The following NCMAP variants were observed in gnomAD, a reference collection of about 807,000 sequenced individuals.
NCMAP encodes noncompact myelin-associated protein.
Under a neutral mutation model 7.8 loss-of-function variants are expected in NCMAP, and 8 were observed. The ratio of observed to expected loss-of-function variants is 1.02; its 90% confidence interval spans 0.60 to 1.84. The LOEUF is 1.84. Ranked by LOEUF, NCMAP falls within the 40% of genes most tolerant of loss-of-function variation. The pLI, the probability that NCMAP is intolerant of heterozygous loss-of-function variation, is 0.00. For missense variants in NCMAP, 112 were observed against 131.4 expected, an observed-to-expected ratio of 0.85 and a Z score of 0.72; for synonymous variants, 41 against 52.9, an observed-to-expected ratio of 0.78 and a Z score of 0.98.
rs71577720 is a variant in NCMAP at position 24,577,401 on chromosome 1, G to GTTTTTTTTTTTTTTTTTTTTTTTTTTT, written c.-7-18019_-7-17993dup. On this transcript the variant is annotated intron_variant, in intron 1 of 3. Transcript: ENST00000374392. Reference sequence around the variant, plus strand: ...GAGTTTCTAAGAAGGCACTGGCCTTGTTTTTTTTTTTTTTTTTTTTTTTTT... The same window carrying GTTTTTTTTTTTTTTTTTTTTTTTTTTT: ...GAGTTTCTAAGAAGGCACTGGCCTTGTTTTTTTTTTTTTTTTTTTTTTTTTTTTTTTTTTTTTTTTTTTTTTTTTTTT... 1.3e-3 allele frequency among the ~76,000 whole-genome samples: 51 copies of GTTTTTTTTTTTTTTTTTTTTTTTTTTT among 39,968 alleles called. 1 individual carries two copies. The highest frequency in any genetic ancestry group is 1.6e-3 in the Admixed American group (5 of 3,210). 26.2% of individuals were successfully genotyped at this position (39,968 alleles called of 152,430 possible). A position where few individuals can be genotyped will look rare whatever the true frequency, so the allele number is the denominator to read the frequency against.
chr1:24,588,760 T>C (rs1463737475), intron 1 of NCMAP, among the ~76,000 whole-genome samples: 1 of 152,176 alleles, frequency 6.6e-6, no homozygotes, highest in East Asian at 1.9e-4. Context: ...TGATCGAGGC[T>C]CTGCTGAACA....
At chr1:24,571,449 TG>T (rs1191703137) in intron 1 of NCMAP, among the ~76,000 whole-genome samples, 2 of 149,946 alleles carry the variant, frequency 1.3e-5, no homozygotes, top group Non-Finnish European at 2.9e-5. Context: ...GACTCCAGCC[TG>T]GGTGACAGAG....
chr1:24,565,816 T>C (rs1570513998), intron 1 of NCMAP, among the ~76,000 whole-genome samples: 1 of 152,212 alleles, frequency 6.6e-6, no homozygotes, highest in East Asian at 1.9e-4. Flanking sequence ...CCCAGTGATA[T>C]GGTTAGGCTT....
At chr1:24,584,859 G>A (rs927835422) in intron 1 of NCMAP, among the ~76,000 whole-genome samples, 12 of 151,178 alleles carry the variant, frequency 7.9e-5, no homozygotes, top group South Asian at 2.1e-4. Flanking sequence ...ACAGACCCAC[G>A]GCCCTCTTTG....
chr1:24,600,778 T>G (rs564132586), intron 2 of NCMAP, among the ~76,000 whole-genome samples, 162 bp from the exon 3 acceptor site: 1 of 152,312 alleles, frequency 6.6e-6, no homozygotes, highest in African/African-American at 2.4e-5. Context: ...GCACAGCCAC[T>G]CCAGATGTGA....
chr1:24,604,509 G>A, intron 3 of NCMAP, among the ~76,000 whole-genome samples: 1 of 138,272 alleles, frequency 7.2e-6, no homozygotes, highest in Admixed American at 7.6e-5. Flanking sequence ...CTGGGATGTT[G>A]AGGCTGTAGT....
intron 1 of NCMAP, among the ~76,000 whole-genome samples, chr1:24,577,401 G>GTTTTTTTTTTTTTTTTTTT (rs71577720): frequency 4.3e-4 from 17 of 39,962 alleles, no homozygotes; most frequent in Middle Eastern, 0.014. Flanking sequence ...CACTGGCCTT[G>GTTTTTTTTTTTTTTTTTTT]TTTTTTTTTT....
intron 1 of NCMAP, among the ~76,000 whole-genome samples, chr1:24,564,818 G>T (rs995857008): frequency 1.3e-5 from 2 of 151,972 alleles, no homozygotes; most frequent in Non-Finnish European, 2.9e-5. Flanking sequence ...ACAAGAACTG[G>T]GTTGGCATTA....
At chr1:24,587,352 AT>A (rs1375404271) in intron 1 of NCMAP, among the ~76,000 whole-genome samples, 3 of 152,146 alleles carry the variant, frequency 2.0e-5, no homozygotes, top group Non-Finnish European at 4.4e-5. Flanking sequence ...TTAAAAACAG[AT>A]TGGCTTCGCA....
chr1:24,586,216 C>T (rs1651875633), intron 1 of NCMAP, among the ~76,000 whole-genome samples: 1 of 152,194 alleles, frequency 6.6e-6, no homozygotes, highest in South Asian at 2.1e-4. Flanking sequence ...AAAGCCCTTG[C>T]TGGGTCATGA....
At chr1:24,560,092 C>T (rs1482111929) in intron 1 of NCMAP, among the ~76,000 whole-genome samples, 6 of 138,962 alleles carry the variant, frequency 4.3e-5, no homozygotes, top group African/African-American at 8.1e-5. Flanking sequence ...ACCCGGGAAG[C>T]GGAGCTTGGA....
chr1:24,573,971 A>AAAAAAAAAAAAAAAAAAAC lies in NCMAP; in HGVS notation c.-8+17802_-8+17803insAAAAAAAAAAAAAAAAAAC, dbSNP rs1337931415. ...AGAGGACAAAAAAAAAAAAAAAAAA[A>AAAAAAAAAAAAAAAAAAAC]CAGAAAAAAGGGGGAATATGTCAGT... is the stretch of plus-strand genomic sequence containing the variant. On this transcript the variant is annotated intron_variant, in intron 1 of 3. Transcript: ENST00000374392. Among the ~76,000 whole-genome samples, 16 of 137,550 alleles carry AAAAAAAAAAAAAAAAAAAC rather than the reference A, an allele frequency of 1.2e-4. 1 individual carries two copies. The highest frequency in any genetic ancestry group is 4.1e-4 in the African/African-American group (14 of 34,146). The allele number at this position is 137,550 out of a possible 152,430, so 90.2% of individuals were successfully genotyped here.
Position 24,605,123 on chromosome 1 carries a change from G to GA in NCMAP, c.168-472dup, listed in dbSNP as rs750627166. Reference sequence around the variant, plus strand: ...AGAGCCAGACTCTGTCTCAAAAAAAGAAAAAAAAAAAGAATTAATAATTAT... The same window carrying GA: ...AGAGCCAGACTCTGTCTCAAAAAAAGAAAAAAAAAAAAGAATTAATAATTAT... On this transcript the variant is annotated intron_variant, in intron 3 of 3. Transcript: ENST00000374392. Among the ~76,000 whole-genome samples the GA allele has an allele frequency of 4.5e-4, 60 of 134,046 alleles. 1 individual carries two copies. In the East Asian group the frequency reaches 5.7e-3, roughly 13 times the overall value. The allele number at this position is 134,046 out of a possible 152,430, so 87.9% of individuals were successfully genotyped here.
chr1:24,569,627 T>G lies in NCMAP; in HGVS notation c.-8+13458T>G, dbSNP rs943125184. 8.0e-5 allele frequency among the ~76,000 whole-genome samples: 12 copies of G among 150,830 alleles called. 2 individuals are homozygous for G. Among genetic ancestry groups the G allele is most frequent in the African/African-American group, 3.0e-4 (12 of 40,098 alleles). The stretch of plus-strand genomic sequence containing the variant: ...CTAGTTCTGCCGCTTTCACTGGCTG[T>G]GTGACCTCAGGATACTTAGTCTCTC... On this transcript the variant is annotated intron_variant, in intron 1 of 3. Coordinates refer to ENST00000374392, the MANE Select transcript of NCMAP (RefSeq NM_001010980.5).
At chr1:24,583,250 G>C (rs1391888364) in intron 1 of NCMAP, among the ~76,000 whole-genome samples, 14 of 150,798 alleles carry the variant, frequency 9.3e-5, no homozygotes, top group Non-Finnish European at 4.4e-5. Flanking sequence ...GAGCAGAGAG[G>C]CCAAGGATGC....
At chr1:24,591,398 G>A (rs1652044129) in intron 1 of NCMAP, among the ~76,000 whole-genome samples, 1 of 152,218 alleles carries the variant, frequency 6.6e-6, no homozygotes, top group Non-Finnish European at 1.5e-5. Context: ...CTCCCAAGTA[G>A]CTGGGACTAT....
At chr1:24,569,733 C>A (rs1341580292) in intron 1 of NCMAP, among the ~76,000 whole-genome samples, 1 of 150,488 alleles carries the variant, frequency 6.6e-6, no homozygotes, top group Non-Finnish European at 1.5e-5. Flanking sequence ...ATGAGTTATA[C>A]AAATAAAAAT....
intron 1 of NCMAP, among the ~76,000 whole-genome samples, chr1:24,581,273 C>T (rs1017885282): frequency 1.3e-5 from 2 of 152,048 alleles, no homozygotes; most frequent in South Asian, 2.1e-4. Context: ...CCCGCCACCA[C>T]GACTGGCTAA....
rs149833339 is a variant in NCMAP at position 24,600,393 on chromosome 1, A to T, written c.83-547A>T. 2.0e-5 allele frequency among the ~76,000 whole-genome samples: 3 copies of T among 152,130 alleles called. No individual in the cohort carries two copies. The East Asian group carries it at 5.8e-4, about 29-fold the overall frequency. The stretch of plus-strand genomic sequence containing the variant: ...AGTCTCGAACTCCTGGGCTCAAGTG[A>T]TCCTCCCACCCCATCCTCTCAAAGT... On this transcript the variant is annotated intron_variant, in intron 2 of 3. Coordinates refer to ENST00000374392, the MANE Select transcript of NCMAP (RefSeq NM_001010980.5).
Sources: gnomAD v4.1 joint callset for allele counts (sites outside exome capture counted in the v4.1 genomes callset) on GRCh38, gnomAD v4.1.1 for gene constraint, MANE v1.5 for transcripts, NCBI Gene and HGNC (gene_info 2026-07-23, HGNC 2026-07-21) for gene names.